The following ADCY9 variants were observed in gnomAD, a reference collection of about 807,000 sequenced individuals.
ADCY9 encodes the protein adenylate cyclase type 9.
A neutral mutation model predicts 101.5 loss-of-function variants in ADCY9; 50 were observed. That is an observed-to-expected ratio of 0.49 (90% CI 0.39 to 0.62). The LOEUF (loss-of-function observed/expected upper bound fraction) is 0.62, where lower values mean the gene tolerates loss of function less well. Among genes scored for constraint, ADCY9 ranks in the 20% least tolerant of loss-of-function variants. The pLI, the probability that ADCY9 is intolerant of heterozygous loss-of-function variation, is 0.00. For missense variants in ADCY9, 1,662 were observed against 1,800.4 expected, an observed-to-expected ratio of 0.92 and a Z score of 1.39; for synonymous variants, 905 against 769.3, an observed-to-expected ratio of 1.18 and a Z score of -2.92.
At chr16:3,977,865 C>T (rs1409360616) in intron 8 of ADCY9, among the ~76,000 whole-genome samples, 2 of 152,092 alleles carry the variant, frequency 1.3e-5, no homozygotes, top group Admixed American at 6.5e-5. Flanking sequence ...GACAGGCTCC[C>T]GGCACCACAC....
intron 2 of ADCY9, among the ~76,000 whole-genome samples, chr16:4,097,551 A>G (rs867668158): frequency 5.9e-5 from 3 of 51,038 alleles, no homozygotes; most frequent in Non-Finnish European, 9.6e-5. Context: ...ATATATATAT[A>G]TATTTTTTTT....
chr16:4,093,555 T>TTTTTTGTCTCTACATAAAAAAAGTA (rs2056985904), intron 2 of ADCY9, among the ~76,000 whole-genome samples: 2 of 152,196 alleles, frequency 1.3e-5, no homozygotes, highest in South Asian at 4.1e-4. Flanking sequence ...ATTCAACTTT[T>TTTTTTGTCTCTACATAAAAAAAGTA]TTTTTGTCTC....
At chr16:4,095,976 C>CAAAAAA (rs56897380) in intron 2 of ADCY9, among the ~76,000 whole-genome samples, 7 of 115,434 alleles carry the variant, frequency 6.1e-5, no homozygotes, top group Admixed American at 9.8e-5. Flanking sequence ...GACTCTATCT[C>CAAAAAA]AAAAAAAAAA....
chr16:3,955,342 T>C (rs776832633), intron 5 of ADCY9, among the ~76,000 whole-genome samples: 4 of 151,978 alleles, frequency 2.6e-5, no homozygotes, highest in Non-Finnish European at 5.9e-5. Flanking sequence ...CTGAGCAACA[T>C]AGTGAGACCT....
chr16:3,985,064 G>A (rs2141692929), intron 6 of ADCY9, among the ~76,000 whole-genome samples: 1 of 152,276 alleles, frequency 6.6e-6, no homozygotes, highest in South Asian at 2.1e-4. Flanking sequence ...TGCCCAAAAG[G>A]GCAAGTCAGG....
chr16:3,987,660 G>A (rs193046670), intron 6 of ADCY9, among the ~76,000 whole-genome samples: 74 of 152,318 alleles, frequency 4.9e-4, no homozygotes, highest in Admixed American at 1.3e-3. Context: ...GGAGGCTGAC[G>A]GAAGGGGGCA....
chr16:4,026,636 C>T (rs1162719028), intron 2 of ADCY9, among the ~76,000 whole-genome samples: 1 of 152,118 alleles, frequency 6.6e-6, no homozygotes, highest in Non-Finnish European at 1.5e-5. Flanking sequence ...GTGGTCCCTC[C>T]CCACAATGGG....
At chr16:4,072,130 G>C (rs1266656174) in intron 2 of ADCY9, among the ~76,000 whole-genome samples, 2 of 152,156 alleles carry the variant, frequency 1.3e-5, no homozygotes, top group Admixed American at 6.6e-5. Flanking sequence ...CACTGGGCCC[G>C]ATCTGTTTTC....
At chr16:4,049,901 T>A (rs2056689705) in intron 2 of ADCY9, among the ~76,000 whole-genome samples, 1 of 152,028 alleles carries the variant, frequency 6.6e-6, no homozygotes, top group Non-Finnish European at 1.5e-5. Context: ...CATGATGGTG[T>A]ACACCTGTAG....
intron 6 of ADCY9, among the ~76,000 whole-genome samples, chr16:3,988,604 G>T (rs1652722988): frequency 7.1e-6 from 1 of 140,926 alleles, no homozygotes; most frequent in East Asian, 2.2e-4. Context: ...CAGGTGGGGG[G>T]GGTTCCTTTA....
At chr16:4,026,227 C>T (rs1280249580) in intron 2 of ADCY9, among the ~76,000 whole-genome samples, 1 of 152,042 alleles carries the variant, frequency 6.6e-6, no homozygotes, top group Non-Finnish European at 1.5e-5. Flanking sequence ...GAGTCTGAGA[C>T]CAGCGTAGGC....
intron 9 of ADCY9, 84 bp downstream of exon 9, chr16:3,977,398 A>C: frequency 6.8e-7 from 1 of 1,480,516 alleles, no homozygotes; most frequent in Non-Finnish European, 9.1e-7. Context: ...GTGAGAAGCA[A>C]TGTGCAAATG....
intron 3 of ADCY9, among the ~76,000 whole-genome samples, chr16:3,995,447 T>C (rs2056279250): frequency 6.6e-6 from 1 of 151,910 alleles, no homozygotes; most frequent in African/African-American, 2.4e-5. Context: ...AATAATTAAA[T>C]GAAATAAGTA....
intron 2 of ADCY9, among the ~76,000 whole-genome samples, chr16:4,008,057 G>C (rs79602857): frequency 0.054 from 8,162 of 152,008 alleles, 386 homozygotes; most frequent in African/African-American, 0.13. Context: ...ACCCTACCAG[G>C]GACCAAGAGG....
intron 6 of ADCY9, among the ~76,000 whole-genome samples, chr16:3,984,588 G>A (rs777956467): frequency 9.9e-5 from 15 of 152,180 alleles, no homozygotes; most frequent in South Asian, 2.1e-4. Flanking sequence ...GGCACACAGC[G>A]AACAAGGAGC....
Position 3,977,610 on chromosome 16 carries a change from C to A in ADCY9, c.2700G>T (p.Ser900=). The change falls in exon 9 of 11, where the codon TCG becomes TCT. Residue 900 remains serine (S), a synonymous_variant. Coordinates refer to ENST00000294016, the MANE Select transcript of ADCY9 (RefSeq NM_001116.4). ...TNIHFPVFTG[S]AALIAVVHYC... is the part of the protein sequence containing the mutation. ...AGTGCACGACGGCAATCAGCGCGGCCGAGCCTGTGAACACTGGGAACTGCA... is the reference window on the plus strand; with the variant it reads ...AGTGCACGACGGCAATCAGCGCGGCAGAGCCTGTGAACACTGGGAACTGCA... The A allele has an allele frequency of 6.2e-7, 1 of 1,612,338 alleles. No homozygotes were observed.
At chr16:3,988,487 C>T (rs1347223693) in intron 6 of ADCY9, among the ~76,000 whole-genome samples, 2 of 121,826 alleles carry the variant, frequency 1.6e-5, no homozygotes, top group Admixed American at 8.5e-5. Flanking sequence ...GGATTCCCTT[C>T]CAGGGCAGGT....
intron 2 of ADCY9, among the ~76,000 whole-genome samples, chr16:4,030,924 C>A (rs1273171614): frequency 6.6e-6 from 1 of 152,064 alleles, no homozygotes. Context: ...AAACTGTACA[C>A]TTATGCATTT....
chr16:4,026,715 T>A (rs2141748244), intron 2 of ADCY9, among the ~76,000 whole-genome samples: 1 of 152,272 alleles, frequency 6.6e-6, no homozygotes, highest in East Asian at 1.9e-4. Flanking sequence ...TCAATAGCTC[T>A]AGACTAAGTG....
Sources: allele counts gnomAD v4.1 joint callset (sites outside exome capture counted in the v4.1 genomes callset), GRCh38; gene constraint gnomAD v4.1.1; transcripts MANE v1.5; gene names NCBI Gene and HGNC (gene_info 2026-07-23, HGNC 2026-07-21).